PXYLP1: variants seen among roughly 807,000 people sequenced by gnomAD.
PXYLP1 encodes the protein 2-phosphoxylose phosphatase 1.
In PXYLP1, 17 loss-of-function variants were observed where a neutral mutation model predicts 37.9. That is an observed-to-expected ratio of 0.45 (90% confidence interval 0.31 to 0.67). PXYLP1 has a LOEUF of 0.67. PXYLP1 is among the 30% of genes least tolerant of loss of function. PXYLP1 has a pLI of 0.07. For synonymous variants in PXYLP1, 221 were observed against 232.2 expected (o/e 0.95, Z 0.44); for missense variants, 511 against 612.0 (o/e 0.84, Z 1.74).
At position 141,278,440 on chromosome 3, in the gene PXYLP1, C is replaced by G. The variant is rs567417517; in HGVS notation, c.178C>G (p.Pro60Ala). The change falls in exon 3 of 6, where the codon CCC becomes GCC. Residue 60 changes from proline (P) to alanine (A), a missense_variant. Coordinates refer to ENST00000286353, the MANE Select transcript of PXYLP1 (RefSeq NM_001037172.3). ...TGTGACGGAGCCCCCTGTGACAGAC[C>G]CCGTTTATGAAGCTCTTTTGTACTG... ...DPVTEPPVTD[P>A]VYEALLYCNI... 6.2e-7 allele frequency: 1 copy of G among 1,614,192 alleles called. No homozygotes were observed. Among genetic ancestry groups the G allele is most frequent in the Non-Finnish European group, 8.5e-7 (1 of 1,180,034 alleles).
chr3:141,262,843 G>T (rs939073029), intron 2 of PXYLP1: 5 of 727,678 alleles, frequency 6.9e-6, no homozygotes, highest in Non-Finnish European at 1.1e-5. Context: ...AATTCATAAC[G>T]CACAGGTTTC....
chr3:141,257,856 A>G (rs1941296036), intron 1 of PXYLP1, among the ~76,000 whole-genome samples: 1 of 140,640 alleles, frequency 7.1e-6, no homozygotes, highest in African/African-American at 2.5e-5. Flanking sequence ...GTGATCCAAG[A>G]TTGCACCACT....
At chr3:141,238,243 G>T (rs1350117160) in intron 1 of PXYLP1, among the ~76,000 whole-genome samples, 1 of 152,232 alleles carries the variant, frequency 6.6e-6, no homozygotes, top group East Asian at 1.9e-4. Context: ...ATGTTGACGG[G>T]CATGGGTTTC....
intron 2 of PXYLP1, among the ~76,000 whole-genome samples, chr3:141,272,283 G>T (rs1941683332): frequency 6.6e-6 from 1 of 152,168 alleles, no homozygotes; most frequent in Non-Finnish European, 1.5e-5. Flanking sequence ...TAACTAAGGT[G>T]CCCTGAGGTT....
chr3:141,290,596 A>C (rs532001848), intron 5 of PXYLP1, among the ~76,000 whole-genome samples: 1 of 152,268 alleles, frequency 6.6e-6, no homozygotes, highest in Admixed American at 6.5e-5. Flanking sequence ...AGAAAGGGGA[A>C]CGGTATGAAC....
intron 4 of PXYLP1, among the ~76,000 whole-genome samples, chr3:141,281,032 A>C (rs1941942252): frequency 6.6e-6 from 1 of 152,252 alleles, no homozygotes. Context: ...TATTACATTT[A>C]GCCAGCATTA....
rs1386389793 is a variant in PXYLP1 at position 141,293,060 on chromosome 3, C to T, written c.1298C>T (p.Ser433Phe). The T allele has an allele frequency of 1.7e-5, 28 of 1,614,234 alleles. No individual in the cohort carries two copies. The highest frequency in any genetic ancestry group is 2.2e-5 in the Non-Finnish European group (26 of 1,180,034). ...GGCGTCGATGTCACATTCCACACCT[C>T]TTTCTGCCAAGACCACCACAAGCGT... ...YNGVDVTFHT[S>F]FCQDHHKRSP... The change falls in exon 6 of 6, where the codon TCT becomes TTT. Residue 433 changes from serine (S) to phenylalanine (F), a missense_variant. Ser to Phe is a radical substitution (Grantham distance 155). Coordinates refer to ENST00000286353, the MANE Select transcript of PXYLP1 (RefSeq NM_001037172.3).
At chr3:141,236,618 C>T (rs1473531309) in intron 1 of PXYLP1, among the ~76,000 whole-genome samples, 1 of 152,214 alleles carries the variant, frequency 6.6e-6, no homozygotes, top group Non-Finnish European at 1.5e-5. Flanking sequence ...TTCAGAGATC[C>T]AGCAGTATCA....
rs1942303868 is a variant in PXYLP1, at chr3:141,294,435, A to G, written c.*1230A>G. ...AGAACTTTGCTATTAGATAGTTTACAGATCTTTATAAGGTGTTTTATATAT... is the reference window on the plus strand; with the variant it reads ...AGAACTTTGCTATTAGATAGTTTACGGATCTTTATAAGGTGTTTTATATAT... On this transcript the variant is annotated 3_prime_UTR_variant, in exon 6 of 6. Transcript: ENST00000286353. 1 of 152,216 alleles carries G rather than the reference A, an allele frequency of 6.6e-6. No individual in the cohort carries two copies. Among genetic ancestry groups the G allele is most frequent in the East Asian group, 1.9e-4 (1 of 5,200 alleles). The allele number at this position is 152,216 out of a possible 1,614,324, so 9.4% of individuals were successfully genotyped here.
chr3:141,252,115 A>G (rs1237308284), intron 1 of PXYLP1, among the ~76,000 whole-genome samples: 1 of 152,144 alleles, frequency 6.6e-6, no homozygotes, highest in East Asian at 1.9e-4. Flanking sequence ...CCCCAGGCCC[A>G]TGCATTTAAC....
At chr3:141,263,177 T>C (rs1941431936) in intron 2 of PXYLP1, among the ~76,000 whole-genome samples, 1 of 152,268 alleles carries the variant, frequency 6.6e-6, no homozygotes, top group South Asian at 2.1e-4. Flanking sequence ...ATACAGAAAG[T>C]ATGTAGTGAA....
chr3:141,249,103 A>G (rs368871913), intron 1 of PXYLP1, among the ~76,000 whole-genome samples: 32 of 151,934 alleles, frequency 2.1e-4, no homozygotes, highest in African/African-American at 7.5e-4. Context: ...CTACTAAGTG[A>G]GACAGCCGTG....
chr3:141,248,570 T>TACACACATGTATATATAC (rs1941026108), intron 1 of PXYLP1, among the ~76,000 whole-genome samples: 1 of 117,634 alleles, frequency 8.5e-6, no homozygotes, highest in Non-Finnish European at 1.7e-5. Context: ...TGTATATATA[T>TACACACATGTATATATAC]ACACACATGT....
chr3:141,262,579 T>C (rs1941416812), intron 2 of PXYLP1: 1 of 1,400,962 alleles, frequency 7.1e-7, no homozygotes, highest in Non-Finnish European at 9.5e-7. Flanking sequence ...CCTTCTGTTT[T>C]AGGAAAGCCA....
chr3:141,291,474 C>T (rs1481746752), intron 5 of PXYLP1: 1 of 152,204 alleles, frequency 6.6e-6, no homozygotes, highest in Non-Finnish European at 1.5e-5. Context: ...ACCTCCGTCA[C>T]CCCCAGGGAA....
In PXYLP1 at chr3:141,293,557, A is replaced by C. The variant is rs1287979972; in HGVS notation, c.*352A>C. On this transcript the variant is annotated 3_prime_UTR_variant, in exon 6 of 6. Transcript: ENST00000286353. ...CTATGTGATGGAACCAGCACACCTC[A>C]ACCAAAATTTTTTTAATCTTAGACA... 2 of 203,428 alleles carry C rather than the reference A, an allele frequency of 9.8e-6. No individual in the cohort carries two copies. Among genetic ancestry groups the C allele is most frequent in the Non-Finnish European group, 9.9e-6 (1 of 101,096 alleles). The allele number at this position is 203,428 out of a possible 1,614,324, so 12.6% of individuals were successfully genotyped here.
intron 1 of PXYLP1, among the ~76,000 whole-genome samples, chr3:141,234,002 G>A (rs1559876559): frequency 6.6e-6 from 1 of 152,082 alleles, no homozygotes; most frequent in Non-Finnish European, 1.5e-5. Flanking sequence ...GTGGCCCCAG[G>A]TCCCTGCCTG....
chr3:141,279,557 G>A, intron 4 of PXYLP1, 53 bp downstream of exon 4: 13 of 1,607,172 alleles, frequency 8.1e-6, no homozygotes, highest in South Asian at 1.1e-5. Context: ...ATATCCTGTA[G>A]GATAGAGAAT....
chr3:141,281,573 A>C (rs569630229), intron 4 of PXYLP1, among the ~76,000 whole-genome samples: 1 of 152,324 alleles, frequency 6.6e-6, no homozygotes, highest in East Asian at 1.9e-4. Flanking sequence ...GAAGAAGAGC[A>C]AGAAGTAGAA....
Sources: allele counts gnomAD v4.1 joint callset (sites outside exome capture counted in the v4.1 genomes callset), GRCh38; gene constraint gnomAD v4.1.1; transcripts MANE v1.5; gene names NCBI Gene and HGNC (gene_info 2026-07-23, HGNC 2026-07-21).